Variants in RBFOX1 observed in about 807,000 individuals in gnomAD.
RBFOX1 encodes the protein RNA binding fox-1 homolog 1.
RBFOX1 carries 8 observed loss-of-function variants against 57.7 expected under a neutral mutation model. The ratio of observed to expected loss-of-function variants is 0.14; its 90% confidence interval spans 0.08 to 0.25. RBFOX1 has a LOEUF of 0.25. Ranked by LOEUF, RBFOX1 falls within the 10% of genes least tolerant of loss-of-function variation. The pLI is 1.00. For synonymous variants in RBFOX1, 326 were observed against 222.4 expected (o/e 1.47, Z -4.15); for missense variants, 611 against 548.5 (o/e 1.11, Z -1.14).
At chr16:7,032,146 G>T (rs913008420) in intron 3 of RBFOX1, among the ~76,000 whole-genome samples, 1 of 152,040 alleles carries the variant, frequency 6.6e-6, no homozygotes, top group East Asian at 1.9e-4. Context: ...TTATCTTGGC[G>T]GGGTGCGGTG....
chr16:7,138,413 A>G (rs1282016975), intron 4 of RBFOX1, among the ~76,000 whole-genome samples: 2 of 152,166 alleles, frequency 1.3e-5, no homozygotes, highest in African/African-American at 4.8e-5. Context: ...TTCTGGGACA[A>G]GATTTCCTTA....
chr16:5,846,959 C>G (rs1358462549), intron 3 of RBFOX1, among the ~76,000 whole-genome samples: 1 of 152,212 alleles, frequency 6.6e-6, no homozygotes, highest in East Asian at 1.9e-4. Flanking sequence ...CTGCACAGTG[C>G]TGCTCTGACA....
chr16:6,908,746 T>C (rs2070759260), intron 3 of RBFOX1, among the ~76,000 whole-genome samples: 1 of 152,196 alleles, frequency 6.6e-6, no homozygotes, highest in Non-Finnish European at 1.5e-5. Context: ...GTTCACCTCA[T>C]TGACTCACTG....
At chr16:7,091,218 C>T (rs1454649744) in intron 4 of RBFOX1, among the ~76,000 whole-genome samples, 1 of 151,762 alleles carries the variant, frequency 6.6e-6, no homozygotes, top group Non-Finnish European at 1.5e-5. Context: ...AGTACACTTC[C>T]TCTGTTTTTA....
At chr16:6,669,284 A>G (rs990784571) in intron 3 of RBFOX1, among the ~76,000 whole-genome samples, 1 of 152,206 alleles carries the variant, frequency 6.6e-6, no homozygotes, top group African/African-American at 2.4e-5. Context: ...TGTCTATCAC[A>G]TGAACACACT....
At chr16:6,698,982 T>C (rs2154139840) in intron 3 of RBFOX1, among the ~76,000 whole-genome samples, 1 of 152,278 alleles carries the variant, frequency 6.6e-6, no homozygotes, top group Middle Eastern at 3.4e-3. Context: ...GAAAATGAGC[T>C]TAAAGCTAGA....
intron 4 of RBFOX1, among the ~76,000 whole-genome samples, chr16:7,156,750 T>G (rs1467707193): frequency 6.6e-6 from 1 of 152,066 alleles, no homozygotes; most frequent in East Asian, 1.9e-4. Flanking sequence ...ATGGCTTGAG[T>G]TTTGTTGCTT....
chr16:7,083,371 G>C (rs1010982812), intron 4 of RBFOX1, among the ~76,000 whole-genome samples: 1 of 151,968 alleles, frequency 6.6e-6, no homozygotes, highest in Non-Finnish European at 1.5e-5. Context: ...TCAAGCAGGT[G>C]GGAGAATGAA....
At chr16:6,743,534 G>C (rs1173502835) in intron 3 of RBFOX1, among the ~76,000 whole-genome samples, 2 of 152,070 alleles carry the variant, frequency 1.3e-5, no homozygotes, top group African/African-American at 2.4e-5. Context: ...TTGAGCCCAG[G>C]AGTTTGAGAC....
chr16:6,925,295 A>G (rs1028896853), intron 3 of RBFOX1, among the ~76,000 whole-genome samples: 4 of 149,474 alleles, frequency 2.7e-5, no homozygotes, highest in African/African-American at 1.0e-4. Flanking sequence ...CACCATGCCC[A>G]TTTAACTTTT....
intron 3 of RBFOX1, among the ~76,000 whole-genome samples, chr16:6,796,878 G>C (rs2084187224): frequency 6.6e-6 from 1 of 152,110 alleles, no homozygotes; most frequent in Non-Finnish European, 1.5e-5. Context: ...TGCTTGTCTT[G>C]TTCTTTGTTA....
intron 1 of RBFOX1, among the ~76,000 whole-genome samples, chr16:5,405,613 A>T (rs2066843774): frequency 6.6e-6 from 1 of 152,210 alleles, no homozygotes; most frequent in Non-Finnish European, 1.5e-5. Context: ...CTAAAAACAA[A>T]TGTGAAAAAA....
At chr16:7,334,001 G>T (rs1438628876) in intron 4 of RBFOX1, among the ~76,000 whole-genome samples, 1 of 152,022 alleles carries the variant, frequency 6.6e-6, no homozygotes, top group South Asian at 2.1e-4. Flanking sequence ...ATTTAGGTAC[G>T]TCCTTTCACC....
intron 4 of RBFOX1, among the ~76,000 whole-genome samples, chr16:7,073,172 C>G (rs1251376766): frequency 6.6e-6 from 1 of 152,170 alleles, no homozygotes; most frequent in South Asian, 2.1e-4. Context: ...CAACATCTGG[C>G]TATGGGCTGT....
chr16:7,129,208 G>A (rs1415644711), intron 4 of RBFOX1, among the ~76,000 whole-genome samples: 1 of 152,066 alleles, frequency 6.6e-6, no homozygotes, highest in Admixed American at 6.6e-5. Flanking sequence ...CTTCCTCATT[G>A]CAATGTTCTT....
chr16:7,090,808 G>T (rs11644283), intron 4 of RBFOX1, among the ~76,000 whole-genome samples: 152,183 of 152,222 alleles, frequency 1, 76,072 homozygotes, highest in Middle Eastern at 1. Flanking sequence ...GGGAAGTCAC[G>T]TTTACTGAGG....
chr16:6,701,363 A>G (rs553567152), intron 3 of RBFOX1, among the ~76,000 whole-genome samples: 153 of 152,308 alleles, frequency 1.0e-3, no homozygotes, highest in Non-Finnish European at 1.7e-3. Flanking sequence ...CTCCCTGTTT[A>G]CCATCATCTT....
At chr16:5,987,986 G>A (rs2060314649) in intron 4 of RBFOX1, among the ~76,000 whole-genome samples, 1 of 152,178 alleles carries the variant, frequency 6.6e-6, no homozygotes, top group African/African-American at 2.4e-5. Flanking sequence ...CCCACAGCCA[G>A]AGACAAGCTG....
chr16:5,576,278 C>T (rs1009278531), intron 2 of RBFOX1, among the ~76,000 whole-genome samples: 1 of 152,198 alleles, frequency 6.6e-6, no homozygotes, highest in Admixed American at 6.5e-5. Context: ...CAGGCGTGAG[C>T]CACTACGCCT....
Sources: allele counts gnomAD v4.1 joint callset (sites outside exome capture counted in the v4.1 genomes callset), GRCh38; gene constraint gnomAD v4.1.1; transcripts MANE v1.5; gene names NCBI Gene and HGNC (gene_info 2026-07-23, HGNC 2026-07-21).